CAP2: variants seen among roughly 807,000 people sequenced by gnomAD.
CAP2 encodes the protein adenylyl cyclase-associated protein 2.
In CAP2, 24 loss-of-function variants were observed where a neutral mutation model predicts 57.7. That is an observed-to-expected ratio of 0.42 (90% CI 0.30 to 0.58). CAP2 has a LOEUF of 0.58. CAP2 is among the 20% of genes least tolerant of loss of function. The pLI is 0.22. For missense variants in CAP2, 501 were observed against 590.3 expected, an observed-to-expected ratio of 0.85 and a Z score of 1.57; for synonymous variants, 194 against 207.2, an observed-to-expected ratio of 0.94 and a Z score of 0.55.
chr6:17,516,465 G>A (rs933782545), intron 7 of CAP2, among the ~76,000 whole-genome samples: 1 of 152,174 alleles, frequency 6.6e-6, no homozygotes, highest in African/African-American at 2.4e-5. Flanking sequence ...TGAGGGAAAG[G>A]TTGGGAGGGG....
chr6:17,545,567 C>CT (rs547275765), intron 11 of CAP2, among the ~76,000 whole-genome samples: 8 of 152,096 alleles, frequency 5.3e-5, no homozygotes, highest in Admixed American at 6.6e-5. Flanking sequence ...TTGTATTATA[C>CT]TTTAAGTTCT....
chr6:17,514,468 C>T (rs1762225074), intron 7 of CAP2, among the ~76,000 whole-genome samples: 1 of 151,284 alleles, frequency 6.6e-6, no homozygotes, highest in African/African-American at 2.4e-5. Context: ...AAATGGCTGG[C>T]AGGGCGCAGT....
At chr6:17,501,207 T>C (rs1761812980) in intron 4 of CAP2, among the ~76,000 whole-genome samples, 1 of 152,220 alleles carries the variant, frequency 6.6e-6, no homozygotes, top group South Asian at 2.1e-4. Flanking sequence ...ATCATTCTTA[T>C]GGTTTGAATC....
At chr6:17,404,238 C>T (rs1581488282) in intron 1 of CAP2, among the ~76,000 whole-genome samples, 1 of 152,100 alleles carries the variant, frequency 6.6e-6, no homozygotes, top group East Asian at 1.9e-4. Flanking sequence ...TTTGAGAGGC[C>T]GAGGTGGGTG....
intron 4 of CAP2, among the ~76,000 whole-genome samples, chr6:17,475,699 A>C (rs540785676): frequency 6.6e-6 from 1 of 152,332 alleles, no homozygotes; most frequent in Non-Finnish European, 1.5e-5. Flanking sequence ...CTGATATTTA[A>C]ATGCTGCTGA....
chr6:17,404,344 G>T (rs1038765429), intron 1 of CAP2, among the ~76,000 whole-genome samples: 4 of 152,304 alleles, frequency 2.6e-5, no homozygotes, highest in Non-Finnish European at 5.9e-5. Flanking sequence ...GGTGGCTCAT[G>T]CCTGTAATCC....
chr6:17,540,959 T>C lies in CAP2; in HGVS notation c.827-14T>C. ...TGCATAAAATAAATGTGTCCATGTG[T>C]GTTGTCCTCCTAGGGCTCCGCCATG... On this transcript the variant is annotated splice_polypyrimidine_tract_variant and intron_variant, in intron 8 of 12. Coordinates refer to ENST00000229922, the MANE Select transcript of CAP2 (RefSeq NM_006366.3). The C allele has an allele frequency of 6.2e-7, 1 of 1,610,490 alleles. No homozygotes were observed. Among genetic ancestry groups the C allele is most frequent in the Non-Finnish European group, 8.5e-7 (1 of 1,178,126 alleles).
Position 17,543,144 on chromosome 6 carries a change from G to T in CAP2, c.1209+1G>T. ...CAACTCCCAGGACATTCAAATCCAG[G>T]TAAGCAGAGCCTTTCCAACCATGCT... On this transcript the variant is annotated splice_donor_variant, in intron 11 of 12. Transcript: ENST00000229922. LOFTEE classifies it high-confidence loss of function. 1 of 1,611,804 alleles carries T rather than the reference G, an allele frequency of 6.2e-7. No homozygotes were observed. Among genetic ancestry groups the T allele is most frequent in the Non-Finnish European group, 8.5e-7 (1 of 1,177,960 alleles).
intron 11 of CAP2, among the ~76,000 whole-genome samples, chr6:17,549,658 T>C (rs1259956249): frequency 6.6e-6 from 1 of 152,250 alleles, no homozygotes; most frequent in Non-Finnish European, 1.5e-5. Context: ...TCACCCATTC[T>C]GCATTCAGAC....
chr6:17,523,958 C>T lies in CAP2; in HGVS notation c.636+10004C>T, dbSNP rs891004086. On this transcript the variant is annotated intron_variant, in intron 7 of 12. Transcript: ENST00000229922. Reference sequence around the variant, plus strand: ...GCGTGGTGACGCATGCCTGTAGTCCCAGCTACTCAGGAGGCTGAGGCAGGA... The same window carrying T: ...GCGTGGTGACGCATGCCTGTAGTCCTAGCTACTCAGGAGGCTGAGGCAGGA... Among the ~76,000 whole-genome samples the T allele has an allele frequency of 1.4e-4, 22 of 151,990 alleles. No individual in the cohort carries two copies. The East Asian group carries it at 3.9e-3, about 27-fold the overall frequency.
In CAP2 at chr6:17,453,392, C is replaced by A. The variant is rs547067192; in HGVS notation, c.223-9604C>A. Among the ~76,000 whole-genome samples, 5 of 152,216 alleles carry A rather than the reference C, an allele frequency of 3.3e-5. No homozygotes were observed. The South Asian group carries it at 1.0e-3, about 32-fold the overall frequency. On this transcript the variant is annotated intron_variant, in intron 3 of 12. Transcript: ENST00000229922. The stretch of plus-strand genomic sequence containing the variant: ...ATTGGTATCACTTGGAACTGTGTAT[C>A]GGGAAAAGACAAATGCCTATGAAAT...
At chr6:17,493,137 AC>A (rs1475958273) in intron 4 of CAP2, among the ~76,000 whole-genome samples, 1 of 152,234 alleles carries the variant, frequency 6.6e-6, no homozygotes, top group Admixed American at 6.5e-5. Flanking sequence ...TACCCAGATC[AC>A]ATTGGACTTT....
intron 3 of CAP2, among the ~76,000 whole-genome samples, chr6:17,461,902 A>G (rs1444716008): frequency 1.4e-5 from 2 of 145,068 alleles, no homozygotes; most frequent in Non-Finnish European, 3.0e-5. Context: ...CTGAGGCAGG[A>G]GAATGGCATG....
chr6:17,542,149 GA>G (rs1460428036), intron 9 of CAP2, among the ~76,000 whole-genome samples: 1 of 152,134 alleles, frequency 6.6e-6, no homozygotes, highest in African/African-American at 2.4e-5. Flanking sequence ...CTGTCTCTAT[GA>G]ATTTAGCTAT....
intron 9 of CAP2, among the ~76,000 whole-genome samples, chr6:17,541,872 A>G (rs1762910860): frequency 6.6e-6 from 1 of 152,168 alleles, no homozygotes; most frequent in Non-Finnish European, 1.5e-5. Flanking sequence ...CTTTATTTTC[A>G]CAGGTTCTCA....
At chr6:17,495,734 A>G (rs959778484) in intron 4 of CAP2, among the ~76,000 whole-genome samples, 1 of 152,188 alleles carries the variant, frequency 6.6e-6, no homozygotes, top group Non-Finnish European at 1.5e-5. Context: ...TGTGCTGCAA[A>G]AGAAAAAGAC....
intron 1 of CAP2, 57 bp downstream of exon 1, chr6:17,393,803 G>C (rs888216836): frequency 6.5e-6 from 1 of 152,862 alleles, no homozygotes; most frequent in African/African-American, 2.4e-5. Flanking sequence ...GTGCAGGTGC[G>C]GGGGGCGCCT....
chr6:17,426,231 CTTTTTTT>C (rs551759980), intron 2 of CAP2, among the ~76,000 whole-genome samples: 21 of 139,998 alleles, frequency 1.5e-4, no homozygotes, highest in Admixed American at 1.4e-3. Context: ...CCCAGGTTTT[CTTTTTTT>C]TTTTTTTTTC....
intron 4 of CAP2, among the ~76,000 whole-genome samples, chr6:17,505,917 CAG>C (rs1761970085): frequency 1.3e-5 from 2 of 152,088 alleles, no homozygotes; most frequent in South Asian, 4.1e-4. Context: ...TTTTTTCAGA[CAG>C]AGTCTCACTC....
Sources: allele counts gnomAD v4.1 joint callset (sites outside exome capture counted in the v4.1 genomes callset), GRCh38; gene constraint gnomAD v4.1.1; transcripts MANE v1.5; gene names NCBI Gene and HGNC (gene_info 2026-07-23, HGNC 2026-07-21).